Variants in SLC41A3 observed in about 807,000 individuals in gnomAD.
SLC41A3 encodes the protein solute carrier family 41 member 3.
SLC41A3 carries 44 observed loss-of-function variants against 45.4 expected under a neutral mutation model. The observed-to-expected ratio is 0.97, with a 90% CI of 0.76 to 1.25. The LOEUF (loss-of-function observed/expected upper bound fraction) is 1.25, where lower values mean the gene tolerates loss of function less well. SLC41A3 is among the 50% of genes most tolerant of loss of function. The probability of loss-of-function intolerance (pLI) is 0.00; values close to 1 mark genes in which losing one functional copy is unlikely to be tolerated. For synonymous variants in SLC41A3, 256 were observed against 252.4 expected (o/e 1.01, Z -0.13); for missense variants, 550 against 600.6 (o/e 0.92, Z 0.88).
At chr3:126,053,810 A>T (rs1442181603) in intron 2 of SLC41A3, among the ~76,000 whole-genome samples, 2 of 151,330 alleles carry the variant, frequency 1.3e-5, no homozygotes, top group Admixed American at 6.6e-5. Flanking sequence ...AGCACCTCAA[A>T]CTCCAAATCT....
chr3:126,044,187 C>G (rs1299015640), intron 3 of SLC41A3, among the ~76,000 whole-genome samples: 1 of 152,172 alleles, frequency 6.6e-6, no homozygotes, highest in Non-Finnish European at 1.5e-5. Context: ...AAGTCAAAAA[C>G]CATTGCAAGA....
At chr3:126,041,227 T>C (rs1942569827) in intron 3 of SLC41A3, among the ~76,000 whole-genome samples, 1 of 146,752 alleles carries the variant, frequency 6.8e-6, no homozygotes, top group South Asian at 2.2e-4. Context: ...ACTCAAAAGG[T>C]AGACTCAGAA....
chr3:126,010,381 A>G (rs1339267220), intron 9 of SLC41A3, among the ~76,000 whole-genome samples: 1 of 152,190 alleles, frequency 6.6e-6, no homozygotes, highest in African/African-American at 2.4e-5. Context: ...CTGAGGCAGG[A>G]GAATCGCTTG....
chr3:126,058,273 C>T (rs1424637862), intron 2 of SLC41A3: 1 of 152,280 alleles, frequency 6.6e-6, no homozygotes, highest in Non-Finnish European at 1.5e-5. Context: ...TAGTTAACTG[C>T]ATTTGGGGAA....
At chr3:126,061,576 GTGAATGAA>G (rs933419989) in intron 2 of SLC41A3, among the ~76,000 whole-genome samples, 1 of 152,198 alleles carries the variant, frequency 6.6e-6, no homozygotes, top group Admixed American at 6.5e-5. Flanking sequence ...GCCTGAATGA[GTGAATGAA>G]TGAATGAATG....
chr3:126,095,991 G>T (rs1329901273), intron 1 of SLC41A3, among the ~76,000 whole-genome samples: 3 of 152,042 alleles, frequency 2.0e-5, no homozygotes, highest in Non-Finnish European at 2.9e-5. Flanking sequence ...AAGATTTTGT[G>T]GAAACTATTA....
chr3:126,089,272 G>T (rs1162046842), upstream of SLC41A3, among the ~76,000 whole-genome samples: 1 of 152,176 alleles, frequency 6.6e-6, no homozygotes, highest in African/African-American at 2.4e-5. Context: ...GCAGCTTGCT[G>T]CTAGGAACCC....
chr3:126,023,173 G>T, intron 5 of SLC41A3: 1 of 540,126 alleles, frequency 1.9e-6, no homozygotes, highest in African/African-American at 1.9e-5. Flanking sequence ...TCCACTTTGT[G>T]ACCTGTGCAC....
intron 2 of SLC41A3, chr3:126,058,019 C>T (rs1943782423): frequency 6.6e-6 from 1 of 152,246 alleles, no homozygotes; most frequent in Non-Finnish European, 1.5e-5. Context: ...TTGGGCTGCT[C>T]ATGCTCCCAG....
intron 2 of SLC41A3, among the ~76,000 whole-genome samples, chr3:126,066,204 G>A (rs756285681): frequency 6.6e-6 from 1 of 152,208 alleles, no homozygotes; most frequent in African/African-American, 2.4e-5. Context: ...TGTCCACATG[G>A]AGAGGACCTG....
intron 2 of SLC41A3, among the ~76,000 whole-genome samples, chr3:126,064,139 G>A (rs1008318199): frequency 6.6e-6 from 1 of 152,030 alleles, no homozygotes; most frequent in Non-Finnish European, 1.5e-5. Flanking sequence ...GCATCAAGGG[G>A]TCAATGGTGG....
intron 1 of SLC41A3, among the ~76,000 whole-genome samples, chr3:126,076,699 G>A (rs867408165): frequency 1.3e-5 from 2 of 152,128 alleles, no homozygotes; most frequent in African/African-American, 2.4e-5. Flanking sequence ...CTCCCCACCC[G>A]AGGTGATACT....
At chr3:126,074,437 A>G (rs1485055880) in intron 1 of SLC41A3, among the ~76,000 whole-genome samples, 1 of 152,026 alleles carries the variant, frequency 6.6e-6, no homozygotes, top group Non-Finnish European at 1.5e-5. Context: ...GGTTCTAGCC[A>G]GCACAATTCA....
At chr3:126,027,879 G>T (rs1941489940) in intron 4 of SLC41A3, among the ~76,000 whole-genome samples, 1 of 152,212 alleles carries the variant, frequency 6.6e-6, no homozygotes, top group Non-Finnish European at 1.5e-5. Flanking sequence ...CTGCCCTAGG[G>T]ATCTGTGTAA....
At chr3:126,012,351 A>T (rs1371415802) in intron 9 of SLC41A3, among the ~76,000 whole-genome samples, 2 of 152,142 alleles carry the variant, frequency 1.3e-5, no homozygotes, top group Non-Finnish European at 2.9e-5. Context: ...TATACTGTGT[A>T]CTTCAAGGGC....
At chr3:126,081,087 A>G (rs1385547826) in intron 1 of SLC41A3, among the ~76,000 whole-genome samples, 1 of 152,248 alleles carries the variant, frequency 6.6e-6, no homozygotes, top group African/African-American at 2.4e-5. Flanking sequence ...ACTATTCACA[A>G]TAGCTAAGAT....
intron 3 of SLC41A3, among the ~76,000 whole-genome samples, chr3:126,048,842 T>C (rs115450774): frequency 6.6e-6 from 1 of 152,126 alleles, no homozygotes; most frequent in Non-Finnish European, 1.5e-5. Flanking sequence ...CACAGGTGTA[T>C]GTATTCGTCA....
At position 126,101,215 on chromosome 3, in the gene SLC41A3, A is replaced by G. The variant is rs185545434; in HGVS notation, c.-79+214T>C. On this transcript the variant is annotated intron_variant, in intron 1 of 9. Coordinates refer to the SLC41A3 transcript ENST00000508835. ...GAGGGCAACAGCATGACCCCCCTTC[A>G]GGGTGCATGTTGGAAACCGCACAGA... is the stretch of plus-strand genomic sequence containing the variant. Among the ~76,000 whole-genome samples the G allele has an allele frequency of 3.2e-3, 481 of 152,350 alleles. 1 individual carries two copies. The highest frequency in any genetic ancestry group is 5.4e-3 in the Non-Finnish European group (370 of 68,034).
At chr3:126,101,234 G>A (rs560403555) in intron 1 of SLC41A3, among the ~76,000 whole-genome samples, 27 of 152,342 alleles carry the variant, frequency 1.8e-4, no homozygotes, top group Middle Eastern at 3.4e-3. Flanking sequence ...GTTGGAAACC[G>A]CACAGATCAT....
Sources: gnomAD v4.1 joint callset for allele counts (sites outside exome capture counted in the v4.1 genomes callset) on GRCh38, gnomAD v4.1.1 for gene constraint, MANE v1.5 for transcripts, NCBI Gene and HGNC (gene_info 2026-07-23, HGNC 2026-07-21) for gene names.